TGFBR3: variants seen among roughly 807,000 people sequenced by gnomAD.
TGFBR3 encodes the protein transforming growth factor beta receptor 3, also known as transforming growth factor beta receptor type 3.
Under a neutral mutation model 87.9 loss-of-function variants are expected in TGFBR3, and 46 were observed. That is an observed-to-expected ratio of 0.52 (90% CI 0.41 to 0.67). The LOEUF is 0.67. TGFBR3 is among the 30% of genes least tolerant of loss of function. The pLI, the probability that TGFBR3 is intolerant of heterozygous loss-of-function variation, is 0.00. For synonymous variants in TGFBR3, 381 were observed against 391.6 expected, an observed-to-expected ratio of 0.97 and a Z score of 0.32; for missense variants, 866 against 1,041.9, an observed-to-expected ratio of 0.83 and a Z score of 2.32.
At chr1:91,786,140 G>T (rs1385847574) in intron 3 of TGFBR3, 2 of 446,418 alleles carry the variant, frequency 4.5e-6, no homozygotes, top group Non-Finnish European at 8.9e-6. Flanking sequence ...AACTCTAATA[G>T]GTGCTAAAGA....
rs1670877586 is a variant in TGFBR3, at chr1:91,680,669, T to C, written c.*3070A>G. On this transcript the variant is annotated 3_prime_UTR_variant, in exon 17 of 17. Transcript: ENST00000212355. ...CCAGATAAAACAAACATGAAAAAAA[T>C]CACATAGGACTCACCCAACAAAATG... is the stretch of plus-strand genomic sequence containing the variant. 2.2e-6 allele frequency: 1 copy of C among 453,476 alleles called. No homozygotes were observed. The highest frequency in any genetic ancestry group is 2.4e-5 in the Admixed American group (1 of 42,510). The allele number at this position is 453,476 out of a possible 1,614,324, so 28.1% of individuals were successfully genotyped here. A position where few individuals can be genotyped will look rare whatever the true frequency, so the allele number is the denominator to read the frequency against.
At chr1:91,887,552 C>T (rs1009085391), upstream of TGFBR3, among the ~76,000 whole-genome samples, 1 of 152,102 alleles carries the variant, frequency 6.6e-6, no homozygotes, top group Non-Finnish European at 1.5e-5. Flanking sequence ...AGGCGTTAGC[C>T]GCTGCACCTG....
intron 2 of TGFBR3, among the ~76,000 whole-genome samples, chr1:91,842,834 T>C (rs996193171): frequency 7.2e-5 from 11 of 152,212 alleles, no homozygotes; most frequent in South Asian, 6.2e-4. Context: ...CAGTATTGTA[T>C]AGATAAGGCA....
At chr1:91,849,858 C>G (rs534769516) in intron 2 of TGFBR3, among the ~76,000 whole-genome samples, 1 of 151,506 alleles carries the variant, frequency 6.6e-6, no homozygotes, top group Admixed American at 6.6e-5. Flanking sequence ...CGAGGCGGGC[C>G]GATCACGAGG....
rs113852168 is a variant in TGFBR3 at position 91,705,381 on chromosome 1, G to A, written c.2287+3282C>T. Among the ~76,000 whole-genome samples, 1,258 of 151,762 alleles carry A rather than the reference G, an allele frequency of 8.3e-3. 21 individuals are homozygous for A. The highest frequency in any genetic ancestry group is 0.03 in the African/African-American group (1,221 of 41,370). On this transcript the variant is annotated intron_variant, in intron 14 of 16. Coordinates refer to ENST00000212355, the MANE Select transcript of TGFBR3 (RefSeq NM_003243.5). The stretch of plus-strand genomic sequence containing the variant: ...TGGGATTACAGGCGTGTGCCATGAC[G>A]CCTGGCTAATTTTTTTGGTTTTTTT...
At chr1:91,791,324 G>A (rs975588377) in intron 3 of TGFBR3, among the ~76,000 whole-genome samples, 1 of 152,168 alleles carries the variant, frequency 6.6e-6, no homozygotes, top group African/African-American at 2.4e-5. Flanking sequence ...GCCCCTTGGT[G>A]GTGCCATTTA....
chr1:91,870,748 G>A (rs1024847224), intron 1 of TGFBR3, among the ~76,000 whole-genome samples: 4 of 152,176 alleles, frequency 2.6e-5, no homozygotes, highest in African/African-American at 9.7e-5. Context: ...TATAATCCCA[G>A]CACTTTGGGA....
rs763795251 is a variant in TGFBR3 at position 91,683,849 on chromosome 1, C to A, written c.2446G>T (p.Ala816Ser). ...WYIYSHTGET[A>S]GRQQVPTSPP... ...GAGGTGGGGACTTGCTGCCTTCCTG[C>A]TGTCTCCCCTGCAGTTAATAAAGAA... Residue 816 changes from alanine (A) to serine (S), a missense_variant, in exon 17 of 17, where the codon GCA becomes TCA. Physicochemically the swap from Ala to Ser is moderately conservative, Grantham distance 99. Transcript: ENST00000212355. 6.3e-7 allele frequency: 1 copy of A among 1,599,952 alleles called. No homozygotes were observed. The highest frequency in any genetic ancestry group is 8.5e-7 in the Non-Finnish European group (1 of 1,173,100).
chr1:91,851,884 T>C (rs975735015), intron 2 of TGFBR3, among the ~76,000 whole-genome samples: 1 of 152,250 alleles, frequency 6.6e-6, no homozygotes, highest in African/African-American at 2.4e-5. Context: ...TTACTCATTC[T>C]TGGTAAACAT....
chr1:91,759,395 A>C (rs1422580870), intron 3 of TGFBR3, among the ~76,000 whole-genome samples: 2 of 151,864 alleles, frequency 1.3e-5, no homozygotes, highest in Admixed American at 1.3e-4. Flanking sequence ...AAAAAAAAAA[A>C]AAAAAAAAAA....
At chr1:91,810,063 G>A (rs1675976597) in intron 2 of TGFBR3, among the ~76,000 whole-genome samples, 2 of 152,070 alleles carry the variant, frequency 1.3e-5, no homozygotes, top group Non-Finnish European at 2.9e-5. Flanking sequence ...CAGTTTTTTG[G>A]GGGTAAGTGG....
At chr1:91,754,643 G>A (rs1340524366) in intron 4 of TGFBR3, among the ~76,000 whole-genome samples, 1 of 152,194 alleles carries the variant, frequency 6.6e-6, no homozygotes, top group African/African-American at 2.4e-5. Context: ...GTGAGGGGGT[G>A]AGAAGGACTG....
intron 4 of TGFBR3, among the ~76,000 whole-genome samples, chr1:91,743,665 C>T (rs564672760): frequency 4.6e-5 from 7 of 152,168 alleles, no homozygotes; most frequent in African/African-American, 1.4e-4. Flanking sequence ...GTGTTGGGTA[C>T]AAAAAAGATA....
intron 5 of TGFBR3, among the ~76,000 whole-genome samples, chr1:91,730,496 C>T (rs11466581): frequency 0.04 from 6,137 of 152,224 alleles, 145 homozygotes; most frequent in Middle Eastern, 0.085. Flanking sequence ...TCAACCTGTA[C>T]CTAGATCATG....
intron 3 of TGFBR3, among the ~76,000 whole-genome samples, chr1:91,759,405 A>T (rs1349196041): frequency 1.4e-5 from 2 of 147,044 alleles, no homozygotes; most frequent in South Asian, 4.4e-4. Context: ...AAAAAAAAAA[A>T]CAGGGAAGAA....
intron 1 of TGFBR3, among the ~76,000 whole-genome samples, chr1:91,875,183 A>G (rs1678734070): frequency 6.6e-6 from 1 of 152,178 alleles, no homozygotes; most frequent in Non-Finnish European, 1.5e-5. Flanking sequence ...AGGAAAAACA[A>G]CATTCTCACG....
At chr1:91,782,685 T>C (rs1316144589) in intron 3 of TGFBR3, among the ~76,000 whole-genome samples, 1 of 121,144 alleles carries the variant, frequency 8.3e-6, no homozygotes, top group Non-Finnish European at 1.8e-5. Context: ...AAAATCCAAC[T>C]GTAGGTCATT....
At chr1:91,829,575 A>G (rs998659622) in intron 2 of TGFBR3, among the ~76,000 whole-genome samples, 1 of 152,072 alleles carries the variant, frequency 6.6e-6, no homozygotes, top group African/African-American at 2.4e-5. Flanking sequence ...CAGTCCCCTC[A>G]AAGGAAGCTC....
At chr1:91,730,532 T>C (rs1472501776) in intron 5 of TGFBR3, among the ~76,000 whole-genome samples, 7 of 152,212 alleles carry the variant, frequency 4.6e-5, no homozygotes, top group African/African-American at 2.4e-5. Context: ...AGTTGACTTA[T>C]ACTGTCATCT....
Sources: gnomAD v4.1 joint callset for allele counts (sites outside exome capture counted in the v4.1 genomes callset) on GRCh38, gnomAD v4.1.1 for gene constraint, MANE v1.5 for transcripts, NCBI Gene and HGNC (gene_info 2026-07-23, HGNC 2026-07-21) for gene names.